The following PBX1 variants were observed in gnomAD, a reference collection of about 807,000 sequenced individuals.
The protein encoded by PBX1 is pre-B-cell leukemia transcription factor 1.
Under a neutral mutation model 53.4 loss-of-function variants are expected in PBX1, and 6 were observed. That is an observed-to-expected ratio of 0.11 (90% CI 0.06 to 0.22). PBX1 has a LOEUF of 0.22. Ranked by LOEUF, PBX1 falls within the 10% of genes least tolerant of loss-of-function variation. PBX1 has a pLI of 1.00. For missense variants in PBX1, 251 were observed against 551.4 expected, an observed-to-expected ratio of 0.46 and a Z score of 5.46; for synonymous variants, 204 against 212.3, an observed-to-expected ratio of 0.96 and a Z score of 0.34.
At chr1:164,794,274 A>G (rs1668680696) in intron 3 of PBX1, among the ~76,000 whole-genome samples, 1 of 152,222 alleles carries the variant, frequency 6.6e-6, no homozygotes, top group African/African-American at 2.4e-5. Context: ...GGCAAATGCA[A>G]ACTTAATAGA....
intron 2 of PBX1, among the ~76,000 whole-genome samples, chr1:164,618,303 G>GGC (rs1557894603): frequency 1.3e-5 from 2 of 150,296 alleles, no homozygotes; most frequent in African/African-American, 2.5e-5. Flanking sequence ...ACGGCGGGGG[G>GGC]GGGGGGGCAC....
At chr1:164,649,267 A>G (rs1315899756) in intron 2 of PBX1, among the ~76,000 whole-genome samples, 2 of 152,186 alleles carry the variant, frequency 1.3e-5, no homozygotes, top group Non-Finnish European at 2.9e-5. Context: ...AGTCTTTTAG[A>G]TGTAAAACAC....
intron 2 of PBX1, among the ~76,000 whole-genome samples, chr1:164,711,294 T>C (rs1194182809): frequency 1.3e-5 from 2 of 152,158 alleles, no homozygotes; most frequent in African/African-American, 4.8e-5. Flanking sequence ...AACAGAGTCT[T>C]GCTCTGTCGC....
intron 2 of PBX1, among the ~76,000 whole-genome samples, chr1:164,871,530 C>G (rs1434349552): frequency 6.6e-6 from 1 of 152,216 alleles, no homozygotes; most frequent in Non-Finnish European, 1.5e-5. Flanking sequence ...TTTCATGGCA[C>G]CTCACTTTAG....
At chr1:164,647,269 A>C (rs548785891) in intron 2 of PBX1, among the ~76,000 whole-genome samples, 1 of 152,314 alleles carries the variant, frequency 6.6e-6, no homozygotes, top group African/African-American at 2.4e-5. Context: ...AAGGTTGAAC[A>C]GGGGCCGTTG....
chr1:164,805,122 TA>T (rs1196367378), intron 4 of PBX1, among the ~76,000 whole-genome samples: 1 of 152,180 alleles, frequency 6.6e-6, no homozygotes, highest in Non-Finnish European at 1.5e-5. Context: ...ATTCTGTCCC[TA>T]AAACACCATA....
chr1:164,809,102 T>C (rs1406318067), intron 5 of PBX1, among the ~76,000 whole-genome samples: 1 of 152,178 alleles, frequency 6.6e-6, no homozygotes, highest in Non-Finnish European at 1.5e-5. Context: ...GCAGCAAATA[T>C]CAAATCACTG....
At chr1:164,879,065 A>C (rs903281162) in intron 2 of PBX1, among the ~76,000 whole-genome samples, 27 of 152,200 alleles carry the variant, frequency 1.8e-4, no homozygotes, top group African/African-American at 6.5e-4. Context: ...AAATCTGGGG[A>C]TTAGCTGTCA....
At chr1:164,687,405 T>C (rs1183770782) in intron 2 of PBX1, among the ~76,000 whole-genome samples, 1 of 151,490 alleles carries the variant, frequency 6.6e-6, no homozygotes, top group East Asian at 1.9e-4. Flanking sequence ...CTACAAAAAA[T>C]ACAAAAATTA....
At chr1:164,841,272 G>A (rs890877274) in intron 8 of PBX1, among the ~76,000 whole-genome samples, 29 of 152,068 alleles carry the variant, frequency 1.9e-4, no homozygotes, top group Admixed American at 1.9e-3. Context: ...GAGGAGTGAG[G>A]GCACGGCATT....
At chr1:164,656,973 A>C (rs1026200014) in intron 2 of PBX1, 1 of 152,090 alleles carries the variant, frequency 6.6e-6, no homozygotes, top group Non-Finnish European at 1.5e-5. Context: ...TAAAACAAAA[A>C]CCCCCTTCAA....
At chr1:164,842,034 G>A (rs972670037) in intron 8 of PBX1, among the ~76,000 whole-genome samples, 1 of 152,198 alleles carries the variant, frequency 6.6e-6, no homozygotes, top group Non-Finnish European at 1.5e-5. Context: ...ATCAGGTGAT[G>A]AATTCTCTGC....
intron 2 of PBX1, among the ~76,000 whole-genome samples, chr1:164,702,852 T>G (rs1663203648): frequency 6.6e-6 from 1 of 151,636 alleles, no homozygotes; most frequent in African/African-American, 2.4e-5. Flanking sequence ...TGCATATGCC[T>G]ATATTCATTA....
intron 2 of PBX1, among the ~76,000 whole-genome samples, chr1:164,604,003 C>T (rs142476748): frequency 0.028 from 3,522 of 127,206 alleles, 160 homozygotes; most frequent in African/African-American, 0.099. Context: ...TGCAGTGGCA[C>T]GATCACGGCT....
At chr1:164,735,765 G>A (rs928167992) in intron 2 of PBX1, among the ~76,000 whole-genome samples, 7 of 152,288 alleles carry the variant, frequency 4.6e-5, no homozygotes, top group African/African-American at 1.7e-4. Context: ...TTCAATGGCA[G>A]AAAGAGTCAT....
intron 2 of PBX1, among the ~76,000 whole-genome samples, chr1:164,762,356 A>G (rs1291528773): frequency 6.6e-6 from 1 of 152,230 alleles, no homozygotes; most frequent in Non-Finnish European, 1.5e-5. Context: ...GCAATTTGCA[A>G]CAGTCCTCAG....
intron 2 of PBX1, among the ~76,000 whole-genome samples, chr1:164,702,230 G>A (rs1466939653): frequency 6.6e-6 from 1 of 151,910 alleles, no homozygotes; most frequent in Non-Finnish European, 1.5e-5. Context: ...TAAAATGTTT[G>A]TTGCCTGAAC....
At chr1:164,885,968 A>T (rs1035577944) in intron 2 of PBX1, among the ~76,000 whole-genome samples, 2 of 152,018 alleles carry the variant, frequency 1.3e-5, no homozygotes, top group Admixed American at 1.3e-4. Flanking sequence ...TAAGGGCAGG[A>T]TTTTTTGTAT....
chr1:164,844,045 C>T (rs1336227279), intron 8 of PBX1, among the ~76,000 whole-genome samples: 1 of 151,482 alleles, frequency 6.6e-6, no homozygotes, highest in Non-Finnish European at 1.5e-5. Flanking sequence ...TTTCATAGAG[C>T]TTCCTTATCT....
Sources: allele counts gnomAD v4.1 joint callset (sites outside exome capture counted in the v4.1 genomes callset), GRCh38; gene constraint gnomAD v4.1.1; transcripts MANE v1.5; gene names NCBI Gene and HGNC (gene_info 2026-07-23, HGNC 2026-07-21).